The following FOXN3 variants were observed in gnomAD, a reference collection of about 807,000 sequenced individuals.
FOXN3 encodes forkhead box N3, also known as forkhead box protein N3.
FOXN3 carries 7 observed loss-of-function variants against 38.4 expected under a neutral mutation model. That is an observed-to-expected ratio of 0.18 (90% CI 0.10 to 0.34). FOXN3 has a LOEUF of 0.34. FOXN3 is among the 10% of genes least tolerant of loss of function. The pLI is 1.00. For synonymous variants in FOXN3, 230 were observed against 242.2 expected (o/e 0.95, Z 0.47); for missense variants, 456 against 613.4 (o/e 0.74, Z 2.71).
chr14:89,617,025 T>C (rs1265588787), intron 1 of FOXN3, among the ~76,000 whole-genome samples: 1 of 152,192 alleles, frequency 6.6e-6, no homozygotes, highest in Non-Finnish European at 1.5e-5. Flanking sequence ...GTTTTTGTTT[T>C]TGTTTTTGTT....
chr14:89,354,064 G>C (rs942785779), intron 2 of FOXN3, among the ~76,000 whole-genome samples: 11 of 152,080 alleles, frequency 7.2e-5, no homozygotes, highest in Admixed American at 5.2e-4. Flanking sequence ...GAATGCTCAA[G>C]TTTCTTAGGC....
chr14:89,272,409 T>TA lies in FOXN3; in HGVS notation c.745+8540dup, dbSNP rs200266089. Among the ~76,000 whole-genome samples the TA allele has an allele frequency of 5.3e-3, 795 of 151,020 alleles. 7 individuals carry two copies. Among genetic ancestry groups the TA allele is most frequent in the African/African-American group, 0.019 (764 of 41,230 alleles). On this transcript the variant is annotated intron_variant, in intron 4 of 5. Transcript: ENST00000557258. ...TTAATTTTATGAGTCTCACTTCAAT[T>TA]AAAAAAAAAGGTATAGGTATTACAT...
intron 4 of FOXN3, among the ~76,000 whole-genome samples, chr14:89,184,743 G>C (rs1028501258): frequency 2.0e-5 from 3 of 152,224 alleles, no homozygotes; most frequent in Non-Finnish European, 2.9e-5. Context: ...GATGAAATAA[G>C]ATAAGCTAGG....
intron 2 of FOXN3, among the ~76,000 whole-genome samples, chr14:89,390,865 C>T (rs1890924573): frequency 6.6e-6 from 1 of 152,190 alleles, no homozygotes; most frequent in Admixed American, 6.5e-5. Flanking sequence ...ACACTTAGTC[C>T]AGTTTCTCCC....
chr14:89,173,830 A>G (rs1887451372), intron 5 of FOXN3, among the ~76,000 whole-genome samples: 2 of 152,080 alleles, frequency 1.3e-5, no homozygotes, highest in Non-Finnish European at 1.5e-5. Context: ...ATCTTTACAA[A>G]AAATAGAAGA....
At chr14:89,422,386 T>A (rs541474180) in intron 1 of FOXN3, among the ~76,000 whole-genome samples, 4 of 152,290 alleles carry the variant, frequency 2.6e-5, no homozygotes, top group African/African-American at 9.6e-5. Flanking sequence ...GTGGACCCAC[T>A]TCAAGACCAA....
At chr14:89,571,469 A>G (rs1265490107) in intron 1 of FOXN3, among the ~76,000 whole-genome samples, 1 of 151,628 alleles carries the variant, frequency 6.6e-6, no homozygotes, top group Non-Finnish European at 1.5e-5. Context: ...AGATTGTGCC[A>G]CTACACTCCA....
At chr14:89,556,762 C>T (rs183545031) in intron 1 of FOXN3, among the ~76,000 whole-genome samples, 3 of 152,284 alleles carry the variant, frequency 2.0e-5, no homozygotes, top group East Asian at 1.9e-4. Flanking sequence ...ATTCCCAAGC[C>T]GTCTCTGGCC....
intron 1 of FOXN3, among the ~76,000 whole-genome samples, chr14:89,542,861 G>T (rs1330730422): frequency 6.6e-6 from 1 of 152,134 alleles, no homozygotes; most frequent in Non-Finnish European, 1.5e-5. Flanking sequence ...TTGCATTTCA[G>T]CAGTGGCAAA....
At chr14:89,240,549 T>C (rs2139865752) in intron 4 of FOXN3, among the ~76,000 whole-genome samples, 1 of 152,322 alleles carries the variant, frequency 6.6e-6, no homozygotes, top group East Asian at 1.9e-4. Context: ...CTGTATGCAC[T>C]GATACAGAGA....
At chr14:89,570,190 A>C (rs1422452158) in intron 1 of FOXN3, among the ~76,000 whole-genome samples, 3 of 151,984 alleles carry the variant, frequency 2.0e-5, no homozygotes, top group African/African-American at 7.2e-5. Flanking sequence ...TAGTAGAGAC[A>C]AGGTTTCACC....
At chr14:89,453,656 A>G (rs1892665214) in intron 1 of FOXN3, among the ~76,000 whole-genome samples, 1 of 152,184 alleles carries the variant, frequency 6.6e-6, no homozygotes, top group Non-Finnish European at 1.5e-5. Flanking sequence ...ATTTAAAAAC[A>G]AAAATACTTG....
chr14:89,456,212 A>C (rs935452964), intron 1 of FOXN3, among the ~76,000 whole-genome samples: 2 of 151,452 alleles, frequency 1.3e-5, no homozygotes, highest in African/African-American at 4.9e-5. Flanking sequence ...AAAAAAAAAA[A>C]AACTAACCAC....
At chr14:89,398,085 G>A (rs1189539387) in intron 2 of FOXN3, among the ~76,000 whole-genome samples, 1 of 152,128 alleles carries the variant, frequency 6.6e-6, no homozygotes, top group Non-Finnish European at 1.5e-5. Context: ...AACCTTAGGA[G>A]TCCCCTTCTC....
intron 4 of FOXN3, among the ~76,000 whole-genome samples, chr14:89,208,166 A>G (rs1336414927): frequency 2.0e-5 from 3 of 152,230 alleles, no homozygotes; most frequent in Non-Finnish European, 4.4e-5. Context: ...TGACCACAGT[A>G]TCCAAATTGA....
At chr14:89,273,056 C>T (rs1161134285) in intron 4 of FOXN3, among the ~76,000 whole-genome samples, 4 of 152,210 alleles carry the variant, frequency 2.6e-5, no homozygotes, top group African/African-American at 9.7e-5. Flanking sequence ...TGAGCCGCTG[C>T]TTCTTCATGG....
At chr14:89,535,977 T>C (rs1022087516) in intron 1 of FOXN3, among the ~76,000 whole-genome samples, 1 of 152,236 alleles carries the variant, frequency 6.6e-6, no homozygotes. Context: ...AACTTGGTTC[T>C]ATTCAATGAT....
intron 1 of FOXN3, among the ~76,000 whole-genome samples, chr14:89,450,463 G>A (rs1892592019): frequency 6.6e-6 from 1 of 152,102 alleles, no homozygotes; most frequent in Admixed American, 6.6e-5. Context: ...AGATAATATA[G>A]GCATGTTAAA....
intron 2 of FOXN3, among the ~76,000 whole-genome samples, chr14:89,397,581 T>C (rs949339753): frequency 2.6e-5 from 4 of 152,032 alleles, no homozygotes; most frequent in African/African-American, 7.2e-5. Flanking sequence ...CCTACCACCT[T>C]AGGGGGAAAG....
Sources: allele counts gnomAD v4.1 joint callset (sites outside exome capture counted in the v4.1 genomes callset), GRCh38; gene constraint gnomAD v4.1.1; transcripts MANE v1.5; gene names NCBI Gene and HGNC (gene_info 2026-07-23, HGNC 2026-07-21).